The following ALDH9A1 variants were observed in gnomAD, a reference collection of about 807,000 sequenced individuals.
ALDH9A1 encodes the protein 4-trimethylaminobutyraldehyde dehydrogenase.
Under a neutral mutation model 56.6 loss-of-function variants are expected in ALDH9A1, and 42 were observed. The ratio of observed to expected loss-of-function variants is 0.74; its 90% CI spans 0.58 to 0.96. The LOEUF (loss-of-function observed/expected upper bound fraction) is 0.96, where lower values mean the gene tolerates loss of function less well. Among genes scored for constraint, ALDH9A1 ranks in the 40% least tolerant of loss-of-function variants. The pLI is 0.00. For missense variants in ALDH9A1, 661 were observed against 651.5 expected (o/e 1.01, Z -0.16); for synonymous variants, 242 against 236.0 (o/e 1.03, Z -0.23).
chr1:165,691,331 T>TAGC (rs1649883459), intron 2 of ALDH9A1, among the ~76,000 whole-genome samples: 1 of 152,130 alleles, frequency 6.6e-6, no homozygotes, highest in Non-Finnish European at 1.5e-5. Flanking sequence ...CAGAAAGGAA[T>TAGC]AGCATCAACA....
rs112136573 is a variant in ALDH9A1, at chr1:165,676,754, T to G, written c.930+2688A>C. On this transcript the variant is annotated intron_variant, in intron 6 of 10. Coordinates refer to ENST00000354775, the MANE Select transcript of ALDH9A1 (RefSeq NM_000696.4). ...ACCAACGGGAAGGAGCCTGAGCTGC[T>G]GGAACCTATTCCCTATGAATTCATG... 336 of 501,186 alleles carry G rather than the reference T, an allele frequency of 6.7e-4. 3 individuals are homozygous for G. Among genetic ancestry groups the G allele is most frequent in the African/African-American group, 5.7e-3 (290 of 50,804 alleles). 31.0% of individuals were successfully genotyped at this position (501,186 alleles called of 1,614,324 possible).
At chr1:165,698,337 G>A (rs936902027) in intron 1 of ALDH9A1, 41 bp downstream of exon 1, 53 of 1,558,470 alleles carry the variant, frequency 3.4e-5, no homozygotes, top group Non-Finnish European at 4.1e-5. Flanking sequence ...CCGCGCATCC[G>A]GCCCCAGGGC....
intron 6 of ALDH9A1, chr1:165,671,586 G>T: frequency 2.2e-6 from 1 of 461,420 alleles, no homozygotes. Flanking sequence ...CTTCTTGAGA[G>T]GAAGAGAAAG....
chr1:165,690,872 G>A (rs750344734), intron 2 of ALDH9A1, among the ~76,000 whole-genome samples: 9 of 152,328 alleles, frequency 5.9e-5, no homozygotes, highest in African/African-American at 1.4e-4. Flanking sequence ...AGCTCGAACC[G>A]AGTGGAGCCC....
chr1:165,692,541 A>C (rs2101757487), intron 2 of ALDH9A1, among the ~76,000 whole-genome samples: 1 of 152,310 alleles, frequency 6.6e-6, no homozygotes, highest in Non-Finnish European at 1.5e-5. Flanking sequence ...AGAACTACAA[A>C]CCACTGCTCA....
At chr1:165,698,145 C>G in intron 1 of ALDH9A1, 1 of 1,208,398 alleles carries the variant, frequency 8.3e-7, no homozygotes. Context: ...TAAAACAACT[C>G]ACGATCCTAC....
rs578079676 is a variant in ALDH9A1 at position 165,663,239 on chromosome 1, G to C, written c.1463-95C>G. The stretch of plus-strand genomic sequence containing the variant: ...AGATGAGCACTGCTAATCAGGGCTA[G>C]GGAAGAATATAGAACCTAAATGTTT... On this transcript the variant is annotated intron_variant, in intron 10 of 10. Coordinates refer to ENST00000354775, the MANE Select transcript of ALDH9A1 (RefSeq NM_000696.4). 3.5e-5 allele frequency: 35 copies of C among 1,009,246 alleles called. No homozygotes were observed. In the South Asian group the frequency reaches 4.4e-4, roughly 13 times the overall value. The allele number at this position is 1,009,246 out of a possible 1,614,324, so 62.5% of individuals were successfully genotyped here.
chr1:165,679,511 G>C lies in ALDH9A1; in HGVS notation c.861C>G (p.Ile287Met), dbSNP rs376738523. 1.5e-5 allele frequency: 25 copies of C among 1,614,066 alleles called. No individual in the cohort carries two copies. Among genetic ancestry groups the C allele is most frequent in the Non-Finnish European group, 2.1e-5 (25 of 1,180,026 alleles). Residue 287 changes from isoleucine to methionine, a missense_variant, in exon 6 of 11, where the codon ATC becomes ATG. Ile to Met is a conservative substitution (Grantham distance 10). Coordinates refer to ENST00000354775, the MANE Select transcript of ALDH9A1 (RefSeq NM_000696.4). ...LELGGKSPLI[I>M]FSDCDMNNAV... ...CATTGTTCATATCACAGTCTGAGAA[G>C]ATGATGAGTGGAGATTTGCCTCCAA...
In ALDH9A1 at chr1:165,662,941, C is replaced by A; in HGVS notation, c.*109G>T. 2 of 972,388 alleles carry A rather than the reference C, an allele frequency of 2.1e-6. No homozygotes were observed. The highest frequency in any genetic ancestry group is 3.2e-5 in the African/African-American group (2 of 62,728). 60.2% of individuals were successfully genotyped at this position (972,388 alleles called of 1,614,324 possible). ...ACATGAACCATTCTCTTATACTGAACGCCAAAATTCTGGATGTAAAATAAC... is the reference window on the plus strand; with the variant it reads ...ACATGAACCATTCTCTTATACTGAAAGCCAAAATTCTGGATGTAAAATAAC... On this transcript the variant is annotated 3_prime_UTR_variant, in exon 11 of 11. Coordinates refer to ENST00000354775, the MANE Select transcript of ALDH9A1 (RefSeq NM_000696.4).
Position 165,683,037 on chromosome 1 carries a change from A to C in ALDH9A1, c.401T>G (p.Ile134Ser), listed in dbSNP as rs1649601437. ...CTCCAGGCACTGCCAGGAAATGTCA[A>C]TGTCCAAGCGGGCCTCAAAGATGGA... is the stretch of plus-strand genomic sequence containing the variant. ...GKSIFEARLD[I>S]DISWQCLEYY... is the part of the protein sequence containing the mutation. The change falls in exon 3 of 11, where the codon ATT becomes AGT. Residue 134 changes from isoleucine to serine, a missense_variant. Coordinates refer to ENST00000354775, the MANE Select transcript of ALDH9A1 (RefSeq NM_000696.4). 1 of 1,614,002 alleles carries C rather than the reference A, an allele frequency of 6.2e-7. No individual in the cohort carries two copies. The highest frequency in any genetic ancestry group is 1.3e-5 in the African/African-American group (1 of 74,914).
chr1:165,667,163 C>A, intron 9 of ALDH9A1, 146 bp downstream of exon 9: 1 of 1,123,064 alleles, frequency 8.9e-7, no homozygotes, highest in South Asian at 1.7e-5. Flanking sequence ...GCTTTGGTGT[C>A]TTCTGACTTA....
chr1:165,672,782 C>T (rs974205219), intron 6 of ALDH9A1, among the ~76,000 whole-genome samples: 2 of 151,508 alleles, frequency 1.3e-5, no homozygotes, highest in African/African-American at 2.4e-5. Flanking sequence ...ACAAAAAATA[C>T]AAAAATTAGC....
intron 2 of ALDH9A1, among the ~76,000 whole-genome samples, chr1:165,688,035 G>A (rs1166810025): frequency 6.6e-6 from 1 of 151,888 alleles, no homozygotes; most frequent in Non-Finnish European, 1.5e-5. Context: ...ATTAATTCTA[G>A]GCTGGGTACA....
chr1:165,664,797 C>A lies in ALDH9A1; in HGVS notation c.1462+221G>T, dbSNP rs139719782. Reference sequence around the variant, plus strand: ...TCAGCAGTTCACAAGCCAGGCTATACATCAGAACCCTCCAGAAAGATTTAG... The same window carrying A: ...TCAGCAGTTCACAAGCCAGGCTATAAATCAGAACCCTCCAGAAAGATTTAG... On this transcript the variant is annotated intron_variant, in intron 10 of 10. Coordinates refer to ENST00000354775, the MANE Select transcript of ALDH9A1 (RefSeq NM_000696.4). Among the ~76,000 whole-genome samples the A allele has an allele frequency of 6.6e-5, 10 of 152,322 alleles. No individual in the cohort carries two copies. In the South Asian group the frequency reaches 1.9e-3, roughly 28 times the overall value.
In ALDH9A1 at chr1:165,662,980, G is replaced by T; in HGVS notation, c.*70C>A. The T allele has an allele frequency of 7.5e-7, 1 of 1,331,360 alleles. No homozygotes were observed. Among genetic ancestry groups the T allele is most frequent in the Non-Finnish European group, 1.1e-6 (1 of 923,046 alleles). The allele number at this position is 1,331,360 out of a possible 1,614,324, so 82.5% of individuals were successfully genotyped here. A position where few individuals can be genotyped will look rare whatever the true frequency, so the allele number is the denominator to read the frequency against. On this transcript the variant is annotated 3_prime_UTR_variant, in exon 11 of 11. Transcript: ENST00000354775. The stretch of plus-strand genomic sequence containing the variant: ...ATGTAAAATAACATTCAGTTGTACT[G>T]CCTCTGTAAACAGGGCCAATTCACA...
At chr1:165,687,971 G>A (rs1370816548) in intron 2 of ALDH9A1, among the ~76,000 whole-genome samples, 2 of 151,114 alleles carry the variant, frequency 1.3e-5, no homozygotes, top group African/African-American at 4.9e-5. Flanking sequence ...CTGGGTGAGA[G>A]AGAGAGACTC....
At chr1:165,681,933 A>G (rs1289558926) in intron 4 of ALDH9A1, among the ~76,000 whole-genome samples, 174 bp downstream of exon 4, 3 of 152,222 alleles carry the variant, frequency 2.0e-5, no homozygotes, top group African/African-American at 7.2e-5. Context: ...AAGCTCCTTG[A>G]GGGGCAAGAC....
chr1:165,696,454 G>T (rs932341359), intron 1 of ALDH9A1, among the ~76,000 whole-genome samples: 3 of 152,162 alleles, frequency 2.0e-5, no homozygotes, highest in Admixed American at 2.0e-4. Context: ...AACTCTGACT[G>T]TAAATCCCTT....
Position 165,692,870 on chromosome 1 carries a change from T to C in ALDH9A1, c.327+2382A>G, listed in dbSNP as rs1558012850. On this transcript the variant is annotated intron_variant, in intron 2 of 10. Transcript: ENST00000354775. ...TGGTACTGGTACCAAAACAGAGATATAGAACAATGGAACAGAACGGAGCCC... is the reference window on the plus strand; with the variant it reads ...TGGTACTGGTACCAAAACAGAGATACAGAACAATGGAACAGAACGGAGCCC... 2.6e-5 allele frequency among the ~76,000 whole-genome samples: 4 copies of C among 152,110 alleles called. No homozygotes were observed. In the South Asian group the frequency reaches 6.2e-4, roughly 24 times the overall value.
Sources: gnomAD v4.1 joint callset for allele counts (sites outside exome capture counted in the v4.1 genomes callset) on GRCh38, gnomAD v4.1.1 for gene constraint, MANE v1.5 for transcripts, NCBI Gene and HGNC (gene_info 2026-07-23, HGNC 2026-07-21) for gene names.